DOCK1: variants seen among roughly 807,000 people sequenced by gnomAD.
The protein encoded by DOCK1 is dedicator of cytokinesis protein 1.
DOCK1 carries 138 observed loss-of-function variants against 262.7 expected under a neutral mutation model. That is an observed-to-expected ratio of 0.53 (90% CI 0.46 to 0.61). DOCK1 has a LOEUF of 0.61. DOCK1 is among the 20% of genes least tolerant of loss of function. The pLI, the probability that DOCK1 is intolerant of heterozygous loss-of-function variation, is 0.00. For missense variants in DOCK1, 1,908 were observed against 2,370.7 expected, an observed-to-expected ratio of 0.80 and a Z score of 4.05; for synonymous variants, 866 against 867.4, an observed-to-expected ratio of 1.00 and a Z score of 0.03.
intron 27 of DOCK1, among the ~76,000 whole-genome samples, chr10:127,181,721 A>G (rs1443879831): frequency 6.6e-6 from 1 of 152,152 alleles, no homozygotes; most frequent in Admixed American, 6.5e-5. Flanking sequence ...GGTGAAAATG[A>G]ACATCCCATT....
intron 49 of DOCK1, among the ~76,000 whole-genome samples, chr10:127,442,569 G>C (rs1482743800): frequency 6.6e-6 from 1 of 152,158 alleles, no homozygotes; most frequent in Non-Finnish European, 1.5e-5. Flanking sequence ...GGGCTTAGGT[G>C]GGGGAAAGTC....
intron 25 of DOCK1, among the ~76,000 whole-genome samples, chr10:127,123,702 C>G (rs534412414): frequency 3.9e-5 from 6 of 152,182 alleles, no homozygotes; most frequent in African/African-American, 1.4e-4. Context: ...TTTTCTTGTT[C>G]ATTTCTCTTA....
chr10:127,122,327 G>A (rs984510856), intron 25 of DOCK1, among the ~76,000 whole-genome samples: 1 of 152,174 alleles, frequency 6.6e-6, no homozygotes, highest in African/African-American at 2.4e-5. Context: ...CCTGGCATGG[G>A]CAGACTGACC....
intron 1 of DOCK1, among the ~76,000 whole-genome samples, chr10:126,948,230 AGT>A: frequency 3.3e-5 from 2 of 59,704 alleles, no homozygotes; most frequent in African/African-American, 1.1e-4. Context: ...GGTGGTTGGT[AGT>A]ATTACTGTTG....
chr10:126,968,185 G>A (rs894476170), intron 1 of DOCK1, among the ~76,000 whole-genome samples: 4 of 152,112 alleles, frequency 2.6e-5, no homozygotes, highest in Non-Finnish European at 5.9e-5. Context: ...AAAGCTTTTG[G>A]AGTCGTCTTT....
At chr10:127,196,703 C>A (rs2057189135) in intron 27 of DOCK1, among the ~76,000 whole-genome samples, 1 of 139,432 alleles carries the variant, frequency 7.2e-6, no homozygotes, top group African/African-American at 2.6e-5. Context: ...CCCGCCGCCG[C>A]CAGAGCTGGA....
intron 18 of DOCK1, among the ~76,000 whole-genome samples, chr10:127,037,517 G>A (rs969712655): frequency 2.6e-5 from 4 of 152,158 alleles, no homozygotes; most frequent in African/African-American, 7.2e-5. Flanking sequence ...GGTAAATGTC[G>A]TTGGGAATAA....
intron 29 of DOCK1, among the ~76,000 whole-genome samples, chr10:127,280,035 A>ATT (rs869218185): frequency 2.3e-4 from 14 of 59,788 alleles, no homozygotes; most frequent in Non-Finnish European, 3.0e-4. Flanking sequence ...TATATATATA[A>ATT]TTTTTTTTTT....
intron 33 of DOCK1, among the ~76,000 whole-genome samples, chr10:127,373,166 G>C (rs1468457482): frequency 6.6e-6 from 1 of 152,186 alleles, no homozygotes; most frequent in African/African-American, 2.4e-5. Context: ...TCTGCACCCT[G>C]ATTCCCAGGA....
chr10:126,943,176 G>T (rs956339570), intron 1 of DOCK1, among the ~76,000 whole-genome samples: 2 of 151,242 alleles, frequency 1.3e-5, no homozygotes, highest in Non-Finnish European at 3.0e-5. Flanking sequence ...TCATTTGAAC[G>T]TGGGAGGCGG....
intron 1 of DOCK1, among the ~76,000 whole-genome samples, chr10:126,929,800 A>G (rs2134172823): frequency 6.6e-6 from 1 of 152,322 alleles, no homozygotes; most frequent in South Asian, 2.1e-4. Flanking sequence ...TGATTTAAAA[A>G]CAAAATAATG....
intron 51 of DOCK1, 91 bp downstream of exon 51, chr10:127,447,636 C>CG: frequency 6.6e-7 from 1 of 1,516,714 alleles, no homozygotes; most frequent in South Asian, 1.3e-5. Context: ...AGGTTTACTT[C>CG]GGGCTAGTGA....
chr10:127,159,844 C>T (rs11592745), intron 27 of DOCK1, among the ~76,000 whole-genome samples: 33,112 of 151,984 alleles, frequency 0.22, 4,225 homozygotes, highest in South Asian at 0.29. Context: ...GAGAGCCGCA[C>T]CATGGCCACG....
rs752421426 is a variant in DOCK1, at chr10:127,247,963, G to C, written c.2848-45G>C. 4.4e-6 allele frequency: 7 copies of C among 1,586,342 alleles called. No homozygotes were observed. The Admixed American group carries it at 1.2e-4, about 27-fold the overall frequency. On this transcript the variant is annotated intron_variant, in intron 27 of 51. Coordinates refer to ENST00000623213, the MANE Select transcript of DOCK1 (RefSeq NM_001290223.2). ...GGGATGATTTCGGCTTTTCCCATGAGTGTTGCTCTGTCTCATCTAATTCTA... is the reference window on the plus strand; with the variant it reads ...GGGATGATTTCGGCTTTTCCCATGACTGTTGCTCTGTCTCATCTAATTCTA...
At chr10:127,124,826 C>A (rs2049841683) in intron 25 of DOCK1, among the ~76,000 whole-genome samples, 1 of 152,086 alleles carries the variant, frequency 6.6e-6, no homozygotes, top group East Asian at 1.9e-4. Flanking sequence ...AGAAAAGCTG[C>A]AATTCAAATA....
chr10:127,399,503 G>GAT (rs1411297738), intron 38 of DOCK1, among the ~76,000 whole-genome samples: 2 of 152,178 alleles, frequency 1.3e-5, no homozygotes, highest in African/African-American at 4.8e-5. Context: ...AGGGATGAGA[G>GAT]ATATATATTT....
chr10:127,336,223 C>T (rs189340821), intron 29 of DOCK1, among the ~76,000 whole-genome samples: 24 of 152,238 alleles, frequency 1.6e-4, no homozygotes, highest in Middle Eastern at 3.4e-3. Context: ...GTTTCCGTCC[C>T]GTCAGGTGTG....
chr10:127,378,617 G>C (rs1348731724), intron 35 of DOCK1, among the ~76,000 whole-genome samples: 1 of 149,804 alleles, frequency 6.7e-6, no homozygotes, highest in Non-Finnish European at 1.5e-5. Flanking sequence ...TCCGAGAGAG[G>C]AATGAAGGTC....
At chr10:126,915,599 A>G (rs1485204549) in intron 1 of DOCK1, among the ~76,000 whole-genome samples, 2 of 152,098 alleles carry the variant, frequency 1.3e-5, no homozygotes, top group Non-Finnish European at 2.9e-5. Flanking sequence ...TTGTATTTTT[A>G]GTAGTAACAC....
Sources: gnomAD v4.1 joint callset for allele counts (sites outside exome capture counted in the v4.1 genomes callset) on GRCh38, gnomAD v4.1.1 for gene constraint, MANE v1.5 for transcripts, NCBI Gene and HGNC (gene_info 2026-07-23, HGNC 2026-07-21) for gene names.